The following IFIT1B variants were observed in gnomAD, a reference collection of about 807,000 sequenced individuals.
IFIT1B encodes the protein interferon induced protein with tetratricopeptide repeats 1B, also known as protein IFIT1 homolog B.
IFIT1B carries 3 observed loss-of-function variants against 2.5 expected under a neutral mutation model. The ratio of observed to expected loss-of-function variants is 1.21; its 90% confidence interval spans 0.55 to 3.14. The LOEUF (loss-of-function observed/expected upper bound fraction) is 3.14, where lower values mean the gene tolerates loss of function less well. Ranked by LOEUF, IFIT1B falls within the 30% of genes most tolerant of loss-of-function variation. IFIT1B has a pLI of 0.03. For missense variants in IFIT1B, 545 were observed against 556.5 expected (o/e 0.98, Z 0.21); for synonymous variants, 196 against 203.0 (o/e 0.97, Z 0.29).
chr10:89,378,196 A>G, intron 1 of IFIT1B, 56 bp downstream of exon 1: 10 of 1,604,850 alleles, frequency 6.2e-6, no homozygotes, highest in Non-Finnish European at 8.5e-6. Context: ...AAATTCTAAA[A>G]CTTTCCTTAA....
intron 1 of IFIT1B, among the ~76,000 whole-genome samples, chr10:89,379,602 G>A (rs1844147054): frequency 6.6e-6 from 1 of 152,164 alleles, no homozygotes; most frequent in African/African-American, 2.4e-5. Context: ...TACAGAAAAA[G>A]GGGCTGCTCT....
At chr10:89,383,210 A>G in intron 1 of IFIT1B, 109 bp from the exon 2 acceptor site, 1 of 942,018 alleles carries the variant, frequency 1.1e-6, no homozygotes, top group South Asian at 1.7e-5. Context: ...CAGATAATGG[A>G]GGCAGGGAAA....
In IFIT1B at chr10:89,383,582, C is replaced by A; in HGVS notation, c.269C>A (p.Ala90Glu). 6.2e-7 allele frequency: 1 copy of A among 1,614,188 alleles called. No homozygotes were observed. Among genetic ancestry groups the A allele is most frequent in the Non-Finnish European group, 8.5e-7 (1 of 1,180,036 alleles). ...DLIQKEHANQ[A>E]DIRSLVTWGN... ...ATTCAGAAAGAACATGCCAACCAAG[C>A]AGATATTAGAAGTCTGGTGACCTGG... Residue 90 changes from alanine to glutamate, a missense_variant, in exon 2 of 2, where the codon GCA (alanine) becomes GAA (glutamate). Coordinates refer to ENST00000371809, the MANE Select transcript of IFIT1B (RefSeq NM_001010987.2).
chr10:89,382,499 TTCC>T (rs1844170730), intron 1 of IFIT1B, among the ~76,000 whole-genome samples: 2 of 152,216 alleles, frequency 1.3e-5, no homozygotes. Context: ...TTATTCTCTC[TTCC>T]TCATGAGTGG....
chr10:89,380,147 A>C (rs1287123937), intron 1 of IFIT1B, among the ~76,000 whole-genome samples: 1 of 152,118 alleles, frequency 6.6e-6, no homozygotes, highest in Non-Finnish European at 1.5e-5. Flanking sequence ...GAGGTTTTGC[A>C]ATGGCCTGGG....
rs762070382 is a variant in IFIT1B, at chr10:89,383,873, G to A, written c.560G>A (p.Arg187His). Residue 187 changes from arginine (R) to histidine (H), a missense_variant, in exon 2 of 2, where the codon CGC (arginine) becomes CAC (histidine). By Grantham distance (29) the Arg-to-His change is conservative. Coordinates refer to ENST00000371809, the MANE Select transcript of IFIT1B (RefSeq NM_001010987.2). The stretch of plus-strand genomic sequence containing the variant: ...ACTGGGTACGCAATCACCGTCTATC[G>A]CCTGGATAAATTTAACACAGCATCA... ...FNTGYAITVY[R>H]LDKFNTASGR... 6.8e-6 allele frequency: 11 copies of A among 1,614,040 alleles called. No homozygotes were observed. The highest frequency in any genetic ancestry group is 1.6e-4 in the Middle Eastern group (1 of 6,084).
rs1417783502 is a variant in IFIT1B at position 89,383,749 on chromosome 10, G to A, written c.436G>A (p.Gly146Arg). Residue 146 changes from glycine to arginine, a missense_variant, in exon 2 of 2, where the codon GGA (glycine) becomes AGA (arginine). By Grantham distance (125) the Gly-to-Arg change is moderately radical. Coordinates refer to ENST00000371809, the MANE Select transcript of IFIT1B (RefSeq NM_001010987.2). ...GTGTCCAGAGGTGGACTGTGAGGAAGGATGGGCCTTGGCGAAGTGTGGTGG... is the reference window on the plus strand; with the variant it reads ...GTGTCCAGAGGTGGACTGTGAGGAAAGATGGGCCTTGGCGAAGTGTGGTGG... ...MECPEVDCEEGWALAKCGGKN... is the reference protein window; with the variant it reads ...MECPEVDCEERWALAKCGGKN... 1.2e-6 allele frequency: 2 copies of A among 1,614,096 alleles called. No homozygotes were observed. The highest frequency in any genetic ancestry group is 4.5e-5 in the East Asian group (2 of 44,896).
chr10:89,384,844 C>T lies in IFIT1B; in HGVS notation c.*106C>T. The T allele has an allele frequency of 9.7e-7, 1 of 1,028,058 alleles. No individual in the cohort carries two copies. Among genetic ancestry groups the T allele is most frequent in the Non-Finnish European group, 1.4e-6 (1 of 704,680 alleles). The allele number at this position is 1,028,058 out of a possible 1,614,324, so 63.7% of individuals were successfully genotyped here. Reference sequence around the variant, plus strand: ...TGTTGGAAATTTACCTTATTTTGAGCCTTGAGAGGAATGTGGCTGTGTGGC... The same window carrying T: ...TGTTGGAAATTTACCTTATTTTGAGTCTTGAGAGGAATGTGGCTGTGTGGC... On this transcript the variant is annotated 3_prime_UTR_variant, in exon 2 of 2. Transcript: ENST00000371809.
intron 1 of IFIT1B, among the ~76,000 whole-genome samples, chr10:89,380,127 G>A (rs933250325): frequency 6.6e-6 from 1 of 152,154 alleles, no homozygotes; most frequent in Admixed American, 6.5e-5. Context: ...TTGGTAGCTA[G>A]TCTATGTGAG....
chr10:89,384,654 C>T lies in IFIT1B; in HGVS notation c.1341C>T (p.His447=). ...GTGTCAGCCTCCTTGGGCTTATCCA[C>T]AAATTGAAAGGAGAAGTAAGTGATG... ...VESVSLLGLI[H]KLKGEVSDAL... The change falls in exon 2 of 2, where the codon CAC becomes CAT. Residue 447 remains histidine, a synonymous_variant. Coordinates refer to ENST00000371809, the MANE Select transcript of IFIT1B (RefSeq NM_001010987.2). The T allele has an allele frequency of 3.1e-6, 5 of 1,614,186 alleles. No homozygotes were observed. Among genetic ancestry groups the T allele is most frequent in the Non-Finnish European group, 4.2e-6 (5 of 1,180,028 alleles).
chr10:89,383,920 C>G lies in IFIT1B; in HGVS notation c.607C>G (p.Leu203Val), dbSNP rs755783048. Residue 203 changes from leucine (L) to valine (V), a missense_variant, in exon 2 of 2, where the codon CTG (leucine) becomes GTG (valine). By Grantham distance (32) the Leu-to-Val change is conservative. Coordinates refer to ENST00000371809, the MANE Select transcript of IFIT1B (RefSeq NM_001010987.2). Reference protein sequence around the residue: ...TASGRNKAFSLHVLKRAVRLN... With the variant: ...TASGRNKAFSVHVLKRAVRLN... ...ATCAGGGAGGAATAAGGCATTTTCT[C>G]TGCACGTCCTAAAACGAGCTGTCAG... 6.2e-6 allele frequency: 10 copies of G among 1,614,196 alleles called. No homozygotes were observed. The highest frequency in any genetic ancestry group is 8.5e-6 in the Non-Finnish European group (10 of 1,180,034).
In IFIT1B at chr10:89,383,546, CT is replaced by C. The variant is rs1261374066; in HGVS notation, c.234del (p.Glu79LysfsTer3). 6.2e-7 allele frequency: 1 copy of C among 1,614,078 alleles called. No homozygotes were observed. Among genetic ancestry groups the C allele is most frequent in the Admixed American group, 1.7e-5 (1 of 59,998 alleles). On this transcript the variant is annotated frameshift_variant, in exon 2 of 2. Transcript: ENST00000371809. LOFTEE classifies it low-confidence loss of function (END_TRUNC). Reference sequence around the variant, plus strand: ...GAAGCCCTGGTCAGCTTGAAAAAGGCTGAAGACTTAATTCAGAAAGAACATG... The same window carrying C: ...GAAGCCCTGGTCAGCTTGAAAAAGGCGAAGACTTAATTCAGAAAGAACATG... ...NEEALVSLKK[A>X]EDLIQKEHAN...
chr10:89,379,994 C>A (rs1463302386), intron 1 of IFIT1B, among the ~76,000 whole-genome samples: 1 of 150,846 alleles, frequency 6.6e-6, no homozygotes, highest in Non-Finnish European at 1.5e-5. Context: ...GAGATTGCAC[C>A]ACTGCACTCC....
At position 89,383,666 on chromosome 10, in the gene IFIT1B, T is replaced by C; in HGVS notation, c.353T>C (p.Leu118Pro). ...MGRLAEAQTYLDKVENTCKKF... is the reference protein window; with the variant it reads ...MGRLAEAQTYPDKVENTCKKF... ...AGATTGGCAGAAGCCCAGACTTACC[T>C]GGACAAGGTGGAGAACACTTGCAAG... Residue 118 changes from leucine to proline, a missense_variant, in exon 2 of 2, where the codon CTG becomes CCG. Physicochemically the swap from Leu to Pro is moderately conservative, Grantham distance 98 (BLOSUM62 -3). Transcript: ENST00000371809. 1 of 1,614,242 alleles carries C rather than the reference T, an allele frequency of 6.2e-7. No individual in the cohort carries two copies. The highest frequency in any genetic ancestry group is 8.5e-7 in the Non-Finnish European group (1 of 1,180,048).
At chr10:89,382,383 C>T (rs1186052351) in intron 1 of IFIT1B, among the ~76,000 whole-genome samples, 4 of 152,190 alleles carry the variant, frequency 2.6e-5, no homozygotes. Context: ...GGACAAATTT[C>T]TTTTTCTTCC....
rs1327345416 is a variant in IFIT1B, at chr10:89,383,670, C to G, written c.357C>G (p.Asp119Glu). 6 of 1,614,090 alleles carry G rather than the reference C, an allele frequency of 3.7e-6. No homozygotes were observed. Among genetic ancestry groups the G allele is most frequent in the Non-Finnish European group, 5.1e-6 (6 of 1,180,040 alleles). The change falls in exon 2 of 2, where the codon GAC becomes GAG. Residue 119 changes from aspartate (D) to glutamate (E), a missense_variant. Transcript: ENST00000371809. ...GRLAEAQTYLDKVENTCKKFA... is the reference protein window; with the variant it reads ...GRLAEAQTYLEKVENTCKKFA... The stretch of plus-strand genomic sequence containing the variant: ...TGGCAGAAGCCCAGACTTACCTGGA[C>G]AAGGTGGAGAACACTTGCAAGAAGT...
rs1249583141 is a variant in IFIT1B, at chr10:89,384,698, G to A, written c.1385G>A (p.Arg462Lys). The A allele has an allele frequency of 3.1e-6, 5 of 1,613,814 alleles. No individual in the cohort carries two copies. Among genetic ancestry groups the A allele is most frequent in the Non-Finnish European group, 4.2e-6 (5 of 1,179,906 alleles). Residue 462 changes from arginine (R) to lysine (K), a missense_variant, in exon 2 of 2, where the codon AGG (arginine) becomes AAG (lysine). Coordinates refer to ENST00000371809, the MANE Select transcript of IFIT1B (RefSeq NM_001010987.2). ...EVSDALLCYERALRLAADLNP... is the reference protein window; with the variant it reads ...EVSDALLCYEKALRLAADLNP... ...AGTGATGCTTTGCTGTGCTATGAGAGGGCTCTGAGGCTGGCTGCTGACCTG... is the reference window on the plus strand; with the variant it reads ...AGTGATGCTTTGCTGTGCTATGAGAAGGCTCTGAGGCTGGCTGCTGACCTG...
chr10:89,381,565 T>C (rs1041506801), intron 1 of IFIT1B, among the ~76,000 whole-genome samples: 11 of 152,084 alleles, frequency 7.2e-5, no homozygotes, highest in Non-Finnish European at 1.5e-4. Context: ...ATGGAGAAGA[T>C]GGCTTGGGAT....
At chr10:89,379,529 A>G (rs577305090) in intron 1 of IFIT1B, among the ~76,000 whole-genome samples, 1 of 152,246 alleles carries the variant, frequency 6.6e-6, no homozygotes, top group South Asian at 2.1e-4. Flanking sequence ...TTTCACTCAA[A>G]AGTATTCTGA....
Sources: allele counts gnomAD v4.1 joint callset (sites outside exome capture counted in the v4.1 genomes callset), GRCh38; gene constraint gnomAD v4.1.1; transcripts MANE v1.5; gene names NCBI Gene and HGNC (gene_info 2026-07-23, HGNC 2026-07-21).